DUS4L: variants seen among roughly 807,000 people sequenced by gnomAD.
DUS4L encodes tRNA-dihydrouridine(20a/20b) synthase [NAD(P)+]-like.
DUS4L carries 31 observed loss-of-function variants against 33.8 expected under a neutral mutation model. The observed-to-expected ratio is 0.92, with a 90% CI of 0.69 to 1.24. DUS4L has a LOEUF of 1.24. Among genes scored for constraint, DUS4L ranks in the 50% most tolerant of loss-of-function variants. The probability of loss-of-function intolerance (pLI) is 0.00; values close to 1 mark genes in which losing one functional copy is unlikely to be tolerated. For missense variants in DUS4L, 368 were observed against 388.6 expected (o/e 0.95, Z 0.45); for synonymous variants, 103 against 120.3 (o/e 0.86, Z 0.94).
chr7:107,567,718 G>A (rs1372414909), intron 3 of DUS4L: 1 of 445,774 alleles, frequency 2.2e-6, no homozygotes, highest in Non-Finnish European at 4.5e-6. Context: ...CATTCACATT[G>A]TTGTGCATCT....
Position 107,577,457 on chromosome 7 carries a change from A to T in DUS4L, c.851A>T (p.Tyr284Phe). 2 of 1,614,200 alleles carry T rather than the reference A, an allele frequency of 1.2e-6. No individual in the cohort carries two copies. The highest frequency in any genetic ancestry group is 1.7e-6 in the Non-Finnish European group (2 of 1,180,024). ...PYMCFHQHLM[Y>F]MMEKITSRQE... ...ATGTGTTTCCATCAACATTTAATGT[A>T]CATGATGGAAAAGATAACTTCAAGG... The change falls in exon 8 of 8, where the codon TAC becomes TTC. Residue 284 changes from tyrosine (Y) to phenylalanine (F), a missense_variant. Physicochemically the swap from Tyr to Phe is conservative, Grantham distance 22. Coordinates refer to ENST00000265720, the MANE Select transcript of DUS4L (RefSeq NM_181581.3).
intron 2 of DUS4L, among the ~76,000 whole-genome samples, chr7:107,565,869 T>A (rs1330989160): frequency 1.3e-5 from 2 of 152,198 alleles, no homozygotes; most frequent in African/African-American, 2.4e-5. Context: ...AGGCCTTCTG[T>A]ATGCCATTTA....
At chr7:107,566,529 T>G (rs952993969) in intron 2 of DUS4L, among the ~76,000 whole-genome samples, 2 of 152,152 alleles carry the variant, frequency 1.3e-5, no homozygotes, top group Non-Finnish European at 2.9e-5. Flanking sequence ...ATAATTAACG[T>G]TTGTTTATCT....
chr7:107,564,018 C>T lies in DUS4L; in HGVS notation c.-302C>T. 1 of 1,505,108 alleles carries T rather than the reference C, an allele frequency of 6.6e-7. No homozygotes were observed. 93.2% of individuals were successfully genotyped at this position (1,505,108 alleles called of 1,614,324 possible). On this transcript the variant is annotated 5_prime_UTR_variant, in exon 1 of 8. Transcript: ENST00000265720. ...TCCAGGCCCACCTGGCGAACTGACTCTCAGCCCGCGCCTGGGCTAAGCCTG... is the reference window on the plus strand; with the variant it reads ...TCCAGGCCCACCTGGCGAACTGACTTTCAGCCCGCGCCTGGGCTAAGCCTG...
chr7:107,571,323 C>G (rs1805213739), intron 4 of DUS4L, 57 bp downstream of exon 4: 2 of 1,561,670 alleles, frequency 1.3e-6, no homozygotes, highest in African/African-American at 1.4e-5. Context: ...TTTACAAACT[C>G]AACTATCTTA....
chr7:107,576,655 T>C (rs1805784946), intron 7 of DUS4L, 63 bp downstream of exon 7: 2 of 1,394,034 alleles, frequency 1.4e-6, no homozygotes, highest in African/African-American at 2.9e-5. Flanking sequence ...GGGGAAGTAA[T>C]GTTAATTTGA....
rs1463049579 is a variant in DUS4L at position 107,573,321 on chromosome 7, CCA to C, written c.239-382_239-381del. Among the ~76,000 whole-genome samples the C allele has an allele frequency of 2.0e-5, 3 of 152,162 alleles. No homozygotes were observed. In the East Asian group the frequency reaches 5.8e-4, roughly 29 times the overall value. On this transcript the variant is annotated intron_variant, in intron 4 of 7. Transcript: ENST00000265720. Reference sequence around the variant, plus strand: ...AAGAAAATAGGTCTGAGTACATCTCCCAGATACATGAGGAAAGAAAGGAACAC... The same window carrying C: ...AAGAAAATAGGTCTGAGTACATCTCCGATACATGAGGAAAGAAAGGAACAC...
At chr7:107,577,284 G>A in intron 7 of DUS4L, 29 bp from the exon 8 acceptor site, 1 of 1,609,406 alleles carries the variant, frequency 6.2e-7, no homozygotes, top group Non-Finnish European at 8.5e-7. Flanking sequence ...CTTAATGTAT[G>A]GACAAATATG....
chr7:107,567,126 TA>T lies in DUS4L; in HGVS notation c.57del (p.Ile19MetfsTer10), dbSNP rs1804784147. ...TICQERKKDP[I>X]EMFHSGQLVK... ...TGTCAGGAAAGAAAAAAAGATCCCA[TA>T]GAAATGTTTCATTCTGGACAGCTGG... On this transcript the variant is annotated frameshift_variant, in exon 3 of 8. Transcript: ENST00000265720. LOFTEE classifies it high-confidence loss of function. 2 of 1,613,690 alleles carry T rather than the reference TA, an allele frequency of 1.2e-6. No individual in the cohort carries two copies. Among genetic ancestry groups the T allele is most frequent in the African/African-American group, 2.7e-5 (2 of 75,038 alleles).
intron 5 of DUS4L, among the ~76,000 whole-genome samples, chr7:107,574,249 C>G (rs1438288142): frequency 6.6e-6 from 1 of 151,732 alleles, no homozygotes; most frequent in Non-Finnish European, 1.5e-5. Context: ...ATAAAAATAC[C>G]TTATTATAAT....
At position 107,577,812 on chromosome 7, in the gene DUS4L, T is replaced by A. The variant is rs1805890059; in HGVS notation, c.*252T>A. On this transcript the variant is annotated 3_prime_UTR_variant, in exon 8 of 8. Transcript: ENST00000265720. ...ACATCCTGATCATCCTAGGCAAACA[T>A]TGACAAATACTGCTCTGAATCCTGT... 1 of 339,634 alleles carries A rather than the reference T, an allele frequency of 2.9e-6. No homozygotes were observed. The highest frequency in any genetic ancestry group is 2.1e-5 in the African/African-American group (1 of 48,592). 21.0% of individuals were successfully genotyped at this position (339,634 alleles called of 1,614,324 possible).
At chr7:107,569,727 T>C (rs886729885) in intron 3 of DUS4L, among the ~76,000 whole-genome samples, 1 of 152,246 alleles carries the variant, frequency 6.6e-6, no homozygotes, top group Non-Finnish European at 1.5e-5. Flanking sequence ...TGTTTATTGC[T>C]AGCACATAGA....
intron 2 of DUS4L, among the ~76,000 whole-genome samples, chr7:107,564,980 T>G (rs566346422): frequency 3.3e-5 from 5 of 152,338 alleles, no homozygotes; most frequent in African/African-American, 9.6e-5. Context: ...TCAATGCATT[T>G]CATACTCATA....
At chr7:107,570,629 A>T (rs1047105040) in intron 3 of DUS4L, 5 of 154,700 alleles carry the variant, frequency 3.2e-5, no homozygotes, top group African/African-American at 1.2e-4. Flanking sequence ...ACCTTGTTAC[A>T]GCCTTTGGAG....
rs1310922114 is a variant in DUS4L, at chr7:107,576,310, T to C, written c.480-56T>C. 6 of 1,501,930 alleles carry C rather than the reference T, an allele frequency of 4.0e-6. No individual in the cohort carries two copies. The Admixed American group carries it at 1.2e-4, about 30-fold the overall frequency. 93.0% of individuals were successfully genotyped at this position (1,501,930 alleles called of 1,614,324 possible). On this transcript the variant is annotated intron_variant, in intron 6 of 7. Transcript: ENST00000265720. ...ATGAAATACCATTTTAGTCAGTTAA[T>C]GTTAGCATTAAGATTTGTGTGCTGT... is the stretch of plus-strand genomic sequence containing the variant.
At position 107,576,350 on chromosome 7, in the gene DUS4L, A is replaced by G. The variant is rs190126269; in HGVS notation, c.480-16A>G. 6.3e-7 allele frequency: 1 copy of G among 1,598,210 alleles called. No homozygotes were observed. The highest frequency in any genetic ancestry group is 1.8e-5 in the Admixed American group (1 of 55,206). ...TTGTGTGCTGTGAACAGATAAATGTAATTTTGAAATTGTAGGATCCATGAT... is the reference window on the plus strand; with the variant it reads ...TTGTGTGCTGTGAACAGATAAATGTGATTTTGAAATTGTAGGATCCATGAT... On this transcript the variant is annotated splice_polypyrimidine_tract_variant and intron_variant, in intron 6 of 7. Transcript: ENST00000265720.
At chr7:107,571,360 T>A (rs1443191425) in intron 4 of DUS4L, 94 bp downstream of exon 4, 20 of 1,485,092 alleles carry the variant, frequency 1.3e-5, no homozygotes, top group Non-Finnish European at 1.8e-5. Flanking sequence ...TTAGAGATTT[T>A]ATGTGAAGAA....
At chr7:107,572,949 CTTTGT>C (rs1805393667) in intron 4 of DUS4L, among the ~76,000 whole-genome samples, 1 of 151,844 alleles carries the variant, frequency 6.6e-6, no homozygotes, top group Non-Finnish European at 1.5e-5. Flanking sequence ...ATACTAATTT[CTTTGT>C]TTTATTAAAA....
chr7:107,566,353 C>T (rs548217518), intron 2 of DUS4L, among the ~76,000 whole-genome samples: 1 of 152,262 alleles, frequency 6.6e-6, no homozygotes, highest in South Asian at 2.1e-4. Flanking sequence ...GTAGCCAACA[C>T]TGTGAAATAG....
Sources: gnomAD v4.1 joint callset for allele counts (sites outside exome capture counted in the v4.1 genomes callset) on GRCh38, gnomAD v4.1.1 for gene constraint, MANE v1.5 for transcripts, NCBI Gene and HGNC (gene_info 2026-07-23, HGNC 2026-07-21) for gene names.